ZNF438: variants seen among roughly 807,000 people sequenced by gnomAD.
ZNF438 encodes zinc finger protein 438.
Under a neutral mutation model 38.0 loss-of-function variants are expected in ZNF438, and 25 were observed. The observed-to-expected ratio is 0.66, with a 90% CI of 0.48 to 0.92. ZNF438 has a LOEUF of 0.92. ZNF438 is among the 40% of genes least tolerant of loss of function. ZNF438 has a pLI of 0.00. For synonymous variants in ZNF438, 372 were observed against 364.1 expected (o/e 1.02, Z -0.25); for missense variants, 1,007 against 999.6 (o/e 1.01, Z -0.10).
Position 30,987,230 on chromosome 10 carries a change from G to A in ZNF438, c.-192+44603C>T, listed in dbSNP as rs79544937. On this transcript the variant is annotated intron_variant, in intron 1 of 5. Coordinates refer to ENST00000413025, the Ensembl canonical transcript of ZNF438. ...AACATTTTGGGAGGACGAGATGGGA[G>A]GATTGCTTGAGCTTGGGTGGTCAAG... Among the ~76,000 whole-genome samples the A allele has an allele frequency of 4.0e-3, 614 of 152,008 alleles. 7 individuals are homozygous for A. Among genetic ancestry groups the A allele is most frequent in the African/African-American group, 0.014 (576 of 41,452 alleles).
intron 1 of ZNF438, among the ~76,000 whole-genome samples, chr10:30,950,005 T>G (rs2047969704): frequency 6.6e-6 from 1 of 151,864 alleles, no homozygotes; most frequent in South Asian, 2.1e-4. Context: ...GTAGTAAAGC[T>G]CTCCTCAACA....
chr10:30,994,020 T>C (rs975131901), intron 1 of ZNF438, among the ~76,000 whole-genome samples: 6 of 152,284 alleles, frequency 3.9e-5, no homozygotes, highest in Non-Finnish European at 4.4e-5. Flanking sequence ...TGGCAATGTC[T>C]GTCCTACGCC....
intron 1 of ZNF438, among the ~76,000 whole-genome samples, chr10:31,022,824 A>C (rs1395527801): frequency 6.6e-6 from 1 of 152,182 alleles, no homozygotes; most frequent in African/African-American, 2.4e-5. Flanking sequence ...CTCGACAACT[A>C]TTTGAAAGGA....
At chr10:31,010,828 G>A (rs766760654) in intron 1 of ZNF438, among the ~76,000 whole-genome samples, 1 of 145,052 alleles carries the variant, frequency 6.9e-6, no homozygotes, top group Non-Finnish European at 1.5e-5. Flanking sequence ...AGGAGTTCAA[G>A]GCTGCAGTGA....
At chr10:31,019,508 G>A (rs764399580) in intron 1 of ZNF438, among the ~76,000 whole-genome samples, 2 of 152,202 alleles carry the variant, frequency 1.3e-5, no homozygotes, top group Non-Finnish European at 2.9e-5. Context: ...AAAATTAGAA[G>A]ATAGGCAAAA....
At chr10:31,031,411 G>T (rs1281148272) in intron 1 of ZNF438, among the ~76,000 whole-genome samples, 1 of 152,184 alleles carries the variant, frequency 6.6e-6, no homozygotes, top group Non-Finnish European at 1.5e-5. Flanking sequence ...GATCCCAACG[G>T]CCAGGACATA....
intron 3 of ZNF438, among the ~76,000 whole-genome samples, chr10:30,890,661 C>T (rs921785670): frequency 1.3e-5 from 2 of 152,210 alleles, no homozygotes; most frequent in African/African-American, 4.8e-5. Context: ...AATAATCTTT[C>T]CATTTTTACT....
At chr10:30,928,993 T>C (rs1246895425) in intron 2 of ZNF438, among the ~76,000 whole-genome samples, 1 of 152,194 alleles carries the variant, frequency 6.6e-6, no homozygotes, top group African/African-American at 2.4e-5. Context: ...ATGCTTTCTG[T>C]TTCAGATTTT....
At chr10:31,026,563 T>C (rs988958791) in intron 1 of ZNF438, among the ~76,000 whole-genome samples, 5 of 152,174 alleles carry the variant, frequency 3.3e-5, no homozygotes, top group East Asian at 1.9e-4. Flanking sequence ...ACCAGTTAGA[T>C]TGGCGATCAT....
At chr10:30,849,964 G>A in exon 5 of ZNF438, 1 of 1,614,168 alleles carries the variant, frequency 6.2e-7, no homozygotes, top group East Asian at 2.2e-5. Flanking sequence ...CAGGAGCTTT[G>A]CTACAGCCAC....
chr10:31,009,842 C>CTTT (rs34508005), intron 1 of ZNF438, among the ~76,000 whole-genome samples: 41 of 116,286 alleles, frequency 3.5e-4, no homozygotes, highest in Middle Eastern at 4.6e-3. Flanking sequence ...CTTATCAATT[C>CTTT]TTTTTTTTTT....
At chr10:30,894,000 T>C (rs2041025557) in intron 3 of ZNF438, among the ~76,000 whole-genome samples, 1 of 152,218 alleles carries the variant, frequency 6.6e-6, no homozygotes. Context: ...CAAATAATAC[T>C]GTACTGTTGC....
At position 30,909,011 on chromosome 10, in the gene ZNF438, C is replaced by G. The variant is rs947287574; in HGVS notation, c.-110G>C. 1 of 152,036 alleles carries G rather than the reference C, an allele frequency of 6.6e-6. No individual in the cohort carries two copies. Among genetic ancestry groups the G allele is most frequent in the Admixed American group, 6.6e-5 (1 of 15,266 alleles). 9.4% of individuals were successfully genotyped at this position (152,036 alleles called of 1,614,324 possible). On this transcript the variant is annotated 5_prime_UTR_variant, in exon 3 of 6. It removes an upstream start codon present in the reference 5' UTR. Coordinates refer to ENST00000413025, the Ensembl canonical transcript of ZNF438. The stretch of plus-strand genomic sequence containing the variant: ...GATAAGATGTGCGTACTTTCTTCAA[C>G]ATACCTAAAAAAAGAAAACTGGATT...
chr10:31,016,500 C>T lies in ZNF438; in HGVS notation c.-192+15333G>A, dbSNP rs548344436. Among the ~76,000 whole-genome samples, 22 of 152,264 alleles carry T rather than the reference C, an allele frequency of 1.4e-4. No homozygotes were observed. The East Asian group carries it at 4.1e-3, about 28-fold the overall frequency. On this transcript the variant is annotated intron_variant, in intron 1 of 5. Transcript: ENST00000413025. ...AAAAAAAGAATTTATTTCTCTCTCA[C>T]GTTACAGTCAAGAGGCAGACAAGTG...
rs1286966244 is a variant in ZNF438 at position 30,866,551 on chromosome 10, T to C, written c.37+10447A>G. ...ACTTTTCAGGTAAAACTGGTGCTTA[T>C]GGGTCAGGCGCGGTGGCTCACGCCT... On this transcript the variant is annotated intron_variant, in intron 4 of 5. Coordinates refer to ENST00000413025, the Ensembl canonical transcript of ZNF438. 3.3e-5 allele frequency among the ~76,000 whole-genome samples: 5 copies of C among 152,070 alleles called. No individual in the cohort carries two copies. The East Asian group carries it at 7.7e-4, about 24-fold the overall frequency.
chr10:30,911,818 C>G (rs1589153266), intron 2 of ZNF438, among the ~76,000 whole-genome samples: 1 of 152,162 alleles, frequency 6.6e-6, no homozygotes, highest in East Asian at 1.9e-4. Flanking sequence ...GATGGAAAGT[C>G]ACTCTCCTTC....
chr10:30,951,242 C>T lies in ZNF438; in HGVS notation c.-191-9591G>A, dbSNP rs374454355. On this transcript the variant is annotated intron_variant, in intron 1 of 5. Coordinates refer to ENST00000413025, the Ensembl canonical transcript of ZNF438. ...CTCAATAAATTAGGTATTGATGGAA[C>T]GTATTTCAAAATAATAAGAGCTATC... is the stretch of plus-strand genomic sequence containing the variant. Among the ~76,000 whole-genome samples the T allele has an allele frequency of 7.3e-5, 11 of 151,088 alleles. No individual in the cohort carries two copies. The East Asian group carries it at 9.7e-4, about 13-fold the overall frequency.
chr10:30,964,006 G>C (rs917088303), intron 1 of ZNF438, among the ~76,000 whole-genome samples: 3 of 152,140 alleles, frequency 2.0e-5, no homozygotes, highest in African/African-American at 7.2e-5. Flanking sequence ...AAAAGTCTGG[G>C]AGGATTTCCT....
intron 1 of ZNF438, among the ~76,000 whole-genome samples, chr10:30,968,497 G>A (rs894938675): frequency 7.2e-6 from 1 of 139,648 alleles, no homozygotes; most frequent in Non-Finnish European, 1.5e-5. Flanking sequence ...AGGCTGGAGT[G>A]CAATGGTGTG....
Sources: gnomAD v4.1 joint callset for allele counts (sites outside exome capture counted in the v4.1 genomes callset) on GRCh38, gnomAD v4.1.1 for gene constraint, MANE v1.5 for transcripts, NCBI Gene and HGNC (gene_info 2026-07-23, HGNC 2026-07-21) for gene names.